Variants in TMTC2 observed in about 807,000 individuals in gnomAD.
TMTC2 encodes protein O-mannosyl-transferase TMTC2.
Under a neutral mutation model 82.4 loss-of-function variants are expected in TMTC2, and 43 were observed. The ratio of observed to expected loss-of-function variants is 0.52; its 90% CI spans 0.41 to 0.67. The LOEUF (loss-of-function observed/expected upper bound fraction) is 0.67, where lower values mean the gene tolerates loss of function less well. TMTC2 is among the 30% of genes least tolerant of loss of function. The pLI, the probability that TMTC2 is intolerant of heterozygous loss-of-function variation, is 0.00. For missense variants in TMTC2, 919 were observed against 1,012.4 expected (o/e 0.91, Z 1.25); for synonymous variants, 408 against 381.9 (o/e 1.07, Z -0.80).
At chr12:82,790,011 G>T (rs1009458570) in intron 1 of TMTC2, among the ~76,000 whole-genome samples, 41 of 151,976 alleles carry the variant, frequency 2.7e-4, no homozygotes, top group African/African-American at 9.4e-4. Context: ...CAAGGAGTTG[G>T]GGCAACATAG....
intron 1 of TMTC2, among the ~76,000 whole-genome samples, chr12:82,746,713 C>T (rs958886642): frequency 2.6e-5 from 4 of 152,150 alleles, no homozygotes; most frequent in Non-Finnish European, 4.4e-5. Context: ...GGGCATGACC[C>T]AGATGGATAA....
chr12:83,105,737 T>C (rs982301471), intron 11 of TMTC2, among the ~76,000 whole-genome samples: 5 of 152,126 alleles, frequency 3.3e-5, no homozygotes, highest in Non-Finnish European at 5.9e-5. Flanking sequence ...CCAAACTATA[T>C]CTAGGTGGTA....
At chr12:83,039,518 T>C (rs1881808673) in intron 9 of TMTC2, among the ~76,000 whole-genome samples, 1 of 152,072 alleles carries the variant, frequency 6.6e-6, no homozygotes, top group African/African-American at 2.4e-5. Context: ...CTGAGTACTT[T>C]TGTGGCCTGA....
At chr12:83,105,148 T>A (rs1884352195) in intron 11 of TMTC2, among the ~76,000 whole-genome samples, 1 of 152,196 alleles carries the variant, frequency 6.6e-6, no homozygotes, top group African/African-American at 2.4e-5. Context: ...GACTTCACGG[T>A]CCGTATTACC....
chr12:82,853,180 G>A (rs1232087386), intron 1 of TMTC2, among the ~76,000 whole-genome samples: 1 of 151,482 alleles, frequency 6.6e-6, no homozygotes, highest in Non-Finnish European at 1.5e-5. Flanking sequence ...TCGGCTCACT[G>A]CAACCTCCAC....
chr12:82,969,772 G>C (rs532501070), intron 7 of TMTC2, among the ~76,000 whole-genome samples: 1 of 151,986 alleles, frequency 6.6e-6, no homozygotes, highest in African/African-American at 2.4e-5. Flanking sequence ...ATGTTTAAAA[G>C]CCTATTCTCA....
chr12:83,100,964 T>A (rs1474055575), intron 11 of TMTC2, among the ~76,000 whole-genome samples: 3 of 152,202 alleles, frequency 2.0e-5, no homozygotes, highest in Non-Finnish European at 4.4e-5. Context: ...TTAGTAGCAT[T>A]CTAGTTCATG....
intron 1 of TMTC2, among the ~76,000 whole-genome samples, chr12:82,854,813 C>T (rs918692576): frequency 5.9e-5 from 9 of 152,094 alleles, no homozygotes; most frequent in Non-Finnish European, 8.8e-5. Context: ...TATGGATTAG[C>T]ATGGTATTTG....
intron 8 of TMTC2, among the ~76,000 whole-genome samples, chr12:83,000,051 A>G (rs1879845324): frequency 6.6e-6 from 1 of 152,216 alleles, no homozygotes. Context: ...TACAAGCATT[A>G]GGTAAATACA....
At chr12:83,052,562 C>T (rs1213957620) in intron 10 of TMTC2, among the ~76,000 whole-genome samples, 2 of 152,160 alleles carry the variant, frequency 1.3e-5, no homozygotes, top group Non-Finnish European at 1.5e-5. Context: ...ACTATGCTTT[C>T]AGCCACAATA....
At chr12:82,775,305 C>G (rs1053613942) in intron 1 of TMTC2, among the ~76,000 whole-genome samples, 1 of 151,792 alleles carries the variant, frequency 6.6e-6, no homozygotes, top group African/African-American at 2.4e-5. Flanking sequence ...AAAAAAATAC[C>G]CAGGCATGGT....
chr12:83,101,056 G>T (rs1353048589), intron 11 of TMTC2, among the ~76,000 whole-genome samples: 1 of 152,124 alleles, frequency 6.6e-6, no homozygotes, highest in African/African-American at 2.4e-5. Flanking sequence ...TCACTCAATA[G>T]AACTTGATAA....
At chr12:82,697,112 G>A (rs537867160) in intron 1 of TMTC2, among the ~76,000 whole-genome samples, 2 of 151,870 alleles carry the variant, frequency 1.3e-5, no homozygotes, top group African/African-American at 2.4e-5. Context: ...TTGGGAGGCC[G>A]AAGGAGGTGG....
chr12:82,912,157 A>G (rs528231981), intron 3 of TMTC2, among the ~76,000 whole-genome samples: 1 of 152,192 alleles, frequency 6.6e-6, no homozygotes, highest in Non-Finnish European at 1.5e-5. Flanking sequence ...CACTTTAAAC[A>G]TATGTTTTAA....
chr12:83,017,503 C>T (rs929853436), intron 8 of TMTC2, among the ~76,000 whole-genome samples: 27 of 152,124 alleles, frequency 1.8e-4, no homozygotes, highest in Non-Finnish European at 3.4e-4. Context: ...AAACTGCTTT[C>T]GGAAGATAAA....
At chr12:82,688,610 G>A (rs1872442324) in intron 1 of TMTC2, among the ~76,000 whole-genome samples, 1 of 152,190 alleles carries the variant, frequency 6.6e-6, no homozygotes, top group Admixed American at 6.5e-5. Context: ...TAAAACAGAT[G>A]CATAATTAAA....
chr12:82,708,176 C>T (rs1281269502), intron 1 of TMTC2, among the ~76,000 whole-genome samples: 1 of 152,178 alleles, frequency 6.6e-6, no homozygotes, highest in Admixed American at 6.5e-5. Flanking sequence ...TATTTACTAT[C>T]TGGCCCTTAA....
chr12:82,957,675 A>C (rs1877688158), intron 4 of TMTC2, among the ~76,000 whole-genome samples: 1 of 152,054 alleles, frequency 6.6e-6, no homozygotes, highest in Non-Finnish European at 1.5e-5. Flanking sequence ...GTTGGTGCAG[A>C]ATACAAATAA....
At chr12:82,946,576 A>G (rs2137271125) in intron 4 of TMTC2, among the ~76,000 whole-genome samples, 1 of 152,208 alleles carries the variant, frequency 6.6e-6, no homozygotes, top group Non-Finnish European at 1.5e-5. Context: ...AGGGTGTTTC[A>G]TGGCACAGGG....
Sources: allele counts gnomAD v4.1 joint callset (sites outside exome capture counted in the v4.1 genomes callset), GRCh38; gene constraint gnomAD v4.1.1; transcripts MANE v1.5; gene names NCBI Gene and HGNC (gene_info 2026-07-23, HGNC 2026-07-21).